Variants in CDC14B observed in about 807,000 individuals in gnomAD.
CDC14B encodes the protein dual specificity protein phosphatase CDC14B.
In CDC14B, 22 loss-of-function variants were observed where a neutral mutation model predicts 64.2. That is an observed-to-expected ratio of 0.34 (90% CI 0.24 to 0.49). The LOEUF is 0.49. Ranked by LOEUF, CDC14B falls within the 20% of genes least tolerant of loss-of-function variation. CDC14B has a pLI of 0.99. For missense variants in CDC14B, 498 were observed against 629.9 expected (o/e 0.79, Z 2.24); for synonymous variants, 191 against 215.8 (o/e 0.89, Z 1.01).
chr9:96,533,246 G>A (rs1007200250), intron 9 of CDC14B, among the ~76,000 whole-genome samples: 8 of 152,236 alleles, frequency 5.3e-5, no homozygotes, highest in Non-Finnish European at 1.2e-4. Flanking sequence ...TGGGATTATA[G>A]GCGTGAGCCA....
At chr9:96,538,664 G>GC (rs1164505548) in intron 7 of CDC14B, 3 of 155,584 alleles carry the variant, frequency 1.9e-5, no homozygotes, top group African/African-American at 7.2e-5. Flanking sequence ...GTTCAAGGCT[G>GC]CAGTGAGCCA....
Position 96,503,718 on chromosome 9 carries a change from A to C in CDC14B, c.*35T>G. The stretch of plus-strand genomic sequence containing the variant: ...AATTTCTGTTGCAGTTTTCAGTCCT[A>C]GAGTCTTCCTTCAGCTCTGGTCACA... On this transcript the variant is annotated 3_prime_UTR_variant, in exon 14 of 14. Transcript: ENST00000375241. 1 of 1,597,878 alleles carries C rather than the reference A, an allele frequency of 6.3e-7. No homozygotes were observed.
intron 12 of CDC14B, among the ~76,000 whole-genome samples, chr9:96,517,643 CAAAAAAAAA>C (rs1016405679): frequency 5.8e-5 from 2 of 34,640 alleles, no homozygotes; most frequent in South Asian, 1.3e-3. Context: ...GACTCCGTCT[CAAAAAAAAA>C]AAAAAAAAAA....
At chr9:96,509,294 G>T (rs1270915583) in intron 13 of CDC14B, among the ~76,000 whole-genome samples, 1 of 152,122 alleles carries the variant, frequency 6.6e-6, no homozygotes, top group Non-Finnish European at 1.5e-5. Context: ...AAACTCTCTG[G>T]TTATCTCATT....
chr9:96,548,680 G>A (rs1841350700), intron 5 of CDC14B, among the ~76,000 whole-genome samples: 1 of 151,948 alleles, frequency 6.6e-6, no homozygotes, highest in Non-Finnish European at 1.5e-5. Context: ...AGCCGGGCAT[G>A]GTGGCATCTG....
At chr9:96,527,647 G>A (rs145978690) in intron 9 of CDC14B, among the ~76,000 whole-genome samples, 2,073 of 151,444 alleles carry the variant, frequency 0.014, 49 homozygotes, top group African/African-American at 0.047. Context: ...ATGGAGTCTT[G>A]CTCTGTCGCC....
intron 1 of CDC14B, among the ~76,000 whole-genome samples, chr9:96,594,158 CA>C (rs1217835928): frequency 6.6e-6 from 1 of 150,726 alleles, no homozygotes; most frequent in Non-Finnish European, 1.5e-5. Context: ...CCCTGAGACA[CA>C]GGAAACAAAA....
chr9:96,527,924 C>A (rs1837838715), intron 9 of CDC14B, among the ~76,000 whole-genome samples: 1 of 152,054 alleles, frequency 6.6e-6, no homozygotes, highest in Non-Finnish European at 1.5e-5. Flanking sequence ...CAACTCTGGA[C>A]CCATTAAACA....
rs535008818 is a variant in CDC14B at position 96,590,902 on chromosome 9, A to G, written c.161-25419T>C. Among the ~76,000 whole-genome samples, 21 of 152,212 alleles carry G rather than the reference A, an allele frequency of 1.4e-4. 1 individual carries two copies. In the South Asian group the frequency reaches 3.1e-3, roughly 23 times the overall value. On this transcript the variant is annotated intron_variant, in intron 1 of 13. Transcript: ENST00000375241. ...TTTCATACGCTCATTGGTCATGTGT[A>G]TATCTTCTTTAGAAAACTGTTGATT...
chr9:96,564,943 A>T (rs747273911), intron 2 of CDC14B, 91 bp from the exon 3 acceptor site: 9 of 779,830 alleles, frequency 1.2e-5, no homozygotes, highest in Non-Finnish European at 1.9e-5. Context: ...AATTAAGATA[A>T]GCAAGCATAT....
intron 4 of CDC14B, chr9:96,562,489 A>T: frequency 2.0e-6 from 1 of 499,516 alleles, no homozygotes; most frequent in South Asian, 3.6e-5. Context: ...AGCAAAATTA[A>T]GTGGAAGGTA....
chr9:96,523,341 C>A lies in CDC14B; in HGVS notation c.1165G>T (p.Ala389Ser). 3 of 1,614,092 alleles carry A rather than the reference C, an allele frequency of 1.9e-6. No homozygotes were observed. The South Asian group carries it at 3.3e-5, about 18-fold the overall frequency. Residue 389 changes from alanine (A) to serine (S), a missense_variant, in exon 11 of 14, where the codon GCC (alanine) becomes TCC (serine). Transcript: ENST00000375241. The part of the protein sequence containing the change: ...KGQENGQHRA[A>S]FSKLLSGVDD... ...ACGCCAGAGAGAAGTTTGGAGAAGGCTGCTCTGTGTTGTCCATTCTCCTGC... is the reference window on the plus strand; with the variant it reads ...ACGCCAGAGAGAAGTTTGGAGAAGGATGCTCTGTGTTGTCCATTCTCCTGC...
At position 96,594,768 on chromosome 9, in the gene CDC14B, C is replaced by T. The variant is rs866467648; in HGVS notation, c.160+24451G>A. 2.8e-5 allele frequency among the ~76,000 whole-genome samples: 4 copies of T among 140,726 alleles called. No individual in the cohort carries two copies. The Middle Eastern group carries it at 0.016, about 577-fold the overall frequency. The allele number at this position is 140,726 out of a possible 152,430, so 92.3% of individuals were successfully genotyped here. A position where few individuals can be genotyped will look rare whatever the true frequency, so the allele number is the denominator to read the frequency against. On this transcript the variant is annotated intron_variant, in intron 1 of 13. Coordinates refer to ENST00000375241, the MANE Select transcript of CDC14B (RefSeq NM_033331.4). Reference sequence around the variant, plus strand: ...AGGAGAGAACCATCTGAAAGAATTACAGCAGAATCGTACAGGCTGGCATGA... The same window carrying T: ...AGGAGAGAACCATCTGAAAGAATTATAGCAGAATCGTACAGGCTGGCATGA...
chr9:96,515,619 A>G lies in CDC14B; in HGVS notation c.1344-5830T>C, dbSNP rs1835524628. On this transcript the variant is annotated intron_variant, in intron 12 of 13. Coordinates refer to ENST00000375241, the MANE Select transcript of CDC14B (RefSeq NM_033331.4). This position sits in a 1 kb window ranked among gnomAD's most constrained non-coding sequence, Gnocchi z 4.3. ...ACCACACTAGGCACCAGAAGTAAGC[A>G]ACGGCAGAGAAACAGAACGGGACAC... The G allele has an allele frequency of 6.5e-7, 1 of 1,537,614 alleles. No individual in the cohort carries two copies. The highest frequency in any genetic ancestry group is 8.8e-7 in the Non-Finnish European group (1 of 1,141,256).
downstream of CDC14B, among the ~76,000 whole-genome samples, chr9:96,497,626 A>G (rs1833310278): frequency 6.6e-6 from 1 of 152,212 alleles, no homozygotes; most frequent in South Asian, 2.1e-4. Flanking sequence ...ACGGGAGAGG[A>G]GCGGGCAGCG....
chr9:96,497,060 G>A (rs543020823), downstream of CDC14B, among the ~76,000 whole-genome samples: 4 of 152,222 alleles, frequency 2.6e-5, no homozygotes, highest in Non-Finnish European at 2.9e-5. Flanking sequence ...CACACCCAGG[G>A]CCAGGAGAAA....
At chr9:96,587,778 A>C (rs1372040507) in intron 1 of CDC14B, among the ~76,000 whole-genome samples, 1 of 152,186 alleles carries the variant, frequency 6.6e-6, no homozygotes, top group African/African-American at 2.4e-5. Flanking sequence ...ATATATGAAC[A>C]TATGTAGCCA....
At chr9:96,494,874 G>T (rs1452397414) in intron 13 of CDC14B, among the ~76,000 whole-genome samples, 1 of 146,528 alleles carries the variant, frequency 6.8e-6, no homozygotes, top group Non-Finnish European at 1.5e-5. Context: ...TCGCTCTGTC[G>T]CCCAGGCTGC....
chr9:96,598,085 A>C (rs1846201746), intron 1 of CDC14B, among the ~76,000 whole-genome samples: 1 of 152,222 alleles, frequency 6.6e-6, no homozygotes, highest in Admixed American at 6.5e-5. Flanking sequence ...GGTAAACGAC[A>C]AAAAGAAAAT....
Sources: allele counts gnomAD v4.1 joint callset (sites outside exome capture counted in the v4.1 genomes callset), GRCh38; gene constraint gnomAD v4.1.1; non-coding constraint Gnocchi (gnomAD v3.1); transcripts MANE v1.5; gene names NCBI Gene and HGNC (gene_info 2026-07-23, HGNC 2026-07-21).